Variants in TMC1 observed in about 807,000 individuals in gnomAD.
The protein encoded by TMC1 is transmembrane channel like 1, also known as transmembrane channel-like protein 1.
Under a neutral mutation model 105.8 loss-of-function variants are expected in TMC1, and 84 were observed. The observed-to-expected ratio is 0.79, with a 90% CI of 0.67 to 0.95. The LOEUF (loss-of-function observed/expected upper bound fraction) is 0.95. TMC1 is among the 40% of genes least tolerant of loss of function. The probability of loss-of-function intolerance (pLI) is 0.00; values close to 1 mark genes in which losing one functional copy is unlikely to be tolerated. For synonymous variants in TMC1, 315 were observed against 311.5 expected, an observed-to-expected ratio of 1.01 and a Z score of -0.12; for missense variants, 817 against 914.1, an observed-to-expected ratio of 0.89 and a Z score of 1.37.
intron 2 of TMC1, among the ~76,000 whole-genome samples, chr9:72,596,510 T>C (rs913101468): frequency 5.0e-5 from 7 of 138,688 alleles, no homozygotes; most frequent in Non-Finnish European, 1.1e-4. Context: ...ACTTCAACAA[T>C]TGGGACTATC....
At chr9:72,829,173 G>A (rs1396817709) in intron 21 of TMC1, among the ~76,000 whole-genome samples, 1 of 151,864 alleles carries the variant, frequency 6.6e-6, no homozygotes, top group African/African-American at 2.4e-5. Flanking sequence ...CTATTTTTGG[G>A]GCCCATACAA....
intron 2 of TMC1, among the ~76,000 whole-genome samples, chr9:72,609,604 G>A (rs888892881): frequency 2.6e-5 from 4 of 152,004 alleles, no homozygotes; most frequent in Non-Finnish European, 5.9e-5. Flanking sequence ...ACAGAGGAAA[G>A]GAAAAGATTA....
chr9:72,675,437 C>T (rs1324308591), intron 5 of TMC1, among the ~76,000 whole-genome samples: 1 of 152,090 alleles, frequency 6.6e-6, no homozygotes, highest in African/African-American at 2.4e-5. Context: ...GTGATTCCAT[C>T]CCATGTGAGG....
intron 11 of TMC1, among the ~76,000 whole-genome samples, chr9:72,753,056 T>C (rs1827607921): frequency 6.6e-6 from 1 of 152,178 alleles, no homozygotes; most frequent in South Asian, 2.1e-4. Flanking sequence ...TATTTTTTTA[T>C]TAAGCTGATC....
chr9:72,744,717 T>C (rs1299015941), intron 10 of TMC1, among the ~76,000 whole-genome samples: 6 of 152,206 alleles, frequency 3.9e-5, no homozygotes, highest in African/African-American at 1.4e-4. Flanking sequence ...TAATTAATGA[T>C]AGGTAAATAT....
chr9:72,799,658 A>G (rs1828436755), intron 17 of TMC1, among the ~76,000 whole-genome samples: 1 of 152,150 alleles, frequency 6.6e-6, no homozygotes, highest in South Asian at 2.1e-4. Context: ...TTACAGGAAC[A>G]TATTACATAT....
intron 13 of TMC1, among the ~76,000 whole-genome samples, chr9:72,778,642 T>C (rs1564548167): frequency 1.3e-5 from 2 of 152,208 alleles, no homozygotes; most frequent in Non-Finnish European, 2.9e-5. Flanking sequence ...AGACTCACCA[T>C]GCCCCTGTAG....
intron 1 of TMC1, among the ~76,000 whole-genome samples, chr9:72,550,115 C>T (rs180963678): frequency 6.6e-6 from 1 of 152,152 alleles, no homozygotes; most frequent in Admixed American, 6.5e-5. Context: ...GACAAATTGC[C>T]CTGATATCCT....
intron 4 of TMC1, among the ~76,000 whole-genome samples, chr9:72,639,847 G>T (rs757804590): frequency 2.1e-4 from 32 of 151,902 alleles, no homozygotes; most frequent in Non-Finnish European, 4.3e-4. Context: ...TTTTAAAATG[G>T]CCATAGCTTT....
At position 72,740,103 on chromosome 9, in the gene TMC1, A is replaced by G; in HGVS notation, c.363-16A>G. 1 of 1,604,678 alleles carries G rather than the reference A, an allele frequency of 6.2e-7. No homozygotes were observed. Among genetic ancestry groups the G allele is most frequent in the South Asian group, 1.1e-5 (1 of 90,876 alleles). ...CTCACCTCCTTTTATCCCTTATGTT[A>G]TTTTTATTTTCTCAGGGAGGCAAAA... On this transcript the variant is annotated splice_polypyrimidine_tract_variant and intron_variant, in intron 8 of 23. Coordinates refer to ENST00000297784, the MANE Select transcript of TMC1 (RefSeq NM_138691.3).
At chr9:72,827,713 C>T (rs1354962003) in intron 21 of TMC1, among the ~76,000 whole-genome samples, 1 of 152,186 alleles carries the variant, frequency 6.6e-6, no homozygotes, top group Non-Finnish European at 1.5e-5. Context: ...CCAAAAGCAG[C>T]GTCCATCTCT....
intron 8 of TMC1, among the ~76,000 whole-genome samples, chr9:72,721,028 TA>T (rs995328383): frequency 7.0e-4 from 106 of 152,254 alleles, no homozygotes; most frequent in Middle Eastern, 3.4e-3. Flanking sequence ...GGCCCCTTGT[TA>T]AAAAATACTT....
At chr9:72,805,299 T>C (rs1828553205) in intron 17 of TMC1, 83 bp from the exon 18 acceptor site, 1 of 1,505,074 alleles carries the variant, frequency 6.6e-7, no homozygotes, top group Non-Finnish European at 9.2e-7. Context: ...AATACTTCTT[T>C]AGAAATATGA....
intron 5 of TMC1, among the ~76,000 whole-genome samples, chr9:72,664,969 C>T (rs946234243): frequency 7.9e-5 from 12 of 152,268 alleles, no homozygotes; most frequent in Middle Eastern, 3.4e-3. Flanking sequence ...CAAAAGTGCT[C>T]GCCCTGGCTC....
intron 13 of TMC1, among the ~76,000 whole-genome samples, chr9:72,777,856 T>C (rs954221281): frequency 6.6e-6 from 1 of 152,206 alleles, no homozygotes; most frequent in African/African-American, 2.4e-5. Flanking sequence ...ATATGTATTG[T>C]GCCATGCAAA....
chr9:72,759,613 CTCTG>C (rs1245061979), intron 12 of TMC1, among the ~76,000 whole-genome samples: 1 of 152,280 alleles, frequency 6.6e-6, no homozygotes. Context: ...TGCCTGACAT[CTCTG>C]TCTGACTCTG....
chr9:72,745,671 A>G (rs1292719398), intron 10 of TMC1, among the ~76,000 whole-genome samples: 2 of 152,152 alleles, frequency 1.3e-5, no homozygotes, highest in Admixed American at 6.5e-5. Context: ...GGATTGGACT[A>G]TCTTATAAAA....
intron 5 of TMC1, among the ~76,000 whole-genome samples, chr9:72,671,588 A>G (rs147770782): frequency 2.0e-5 from 3 of 152,226 alleles, no homozygotes; most frequent in African/African-American, 7.2e-5. Flanking sequence ...AGGAAAGCAA[A>G]AACAAAGAAG....
chr9:72,808,508 T>G (rs1828640427), intron 18 of TMC1, among the ~76,000 whole-genome samples: 1 of 152,214 alleles, frequency 6.6e-6, no homozygotes, highest in African/African-American at 2.4e-5. Context: ...TCTTGTAAAA[T>G]GTACTCATGG....
Sources: allele counts gnomAD v4.1 joint callset (sites outside exome capture counted in the v4.1 genomes callset), GRCh38; gene constraint gnomAD v4.1.1; transcripts MANE v1.5; gene names NCBI Gene and HGNC (gene_info 2026-07-23, HGNC 2026-07-21).